ARHGAP26: variants seen among roughly 807,000 people sequenced by gnomAD.
ARHGAP26 encodes rho GTPase-activating protein 26.
A neutral mutation model predicts 104.8 loss-of-function variants in ARHGAP26; 38 were observed. That is an observed-to-expected ratio of 0.36 (90% confidence interval 0.28 to 0.48). The LOEUF (loss-of-function observed/expected upper bound fraction) is 0.48. Among genes scored for constraint, ARHGAP26 ranks in the 20% least tolerant of loss-of-function variants. The pLI, the probability that ARHGAP26 is intolerant of heterozygous loss-of-function variation, is 0.99. For synonymous variants in ARHGAP26, 341 were observed against 340.0 expected, an observed-to-expected ratio of 1.00 and a Z score of -0.03; for missense variants, 704 against 947.9, an observed-to-expected ratio of 0.74 and a Z score of 3.38.
At chr5:142,887,826 A>G (rs1173386406) in intron 5 of ARHGAP26, among the ~76,000 whole-genome samples, 3 of 152,094 alleles carry the variant, frequency 2.0e-5, no homozygotes, top group Non-Finnish European at 4.4e-5. Flanking sequence ...TTAGCTGGGC[A>G]TGGTGGTGGG....
At chr5:143,214,625 A>G (rs1810039425) in intron 22 of ARHGAP26, among the ~76,000 whole-genome samples, 1 of 152,218 alleles carries the variant, frequency 6.6e-6, no homozygotes. Context: ...AGGCCAGAGC[A>G]GAGATGAGTT....
At chr5:142,865,916 A>G (rs1033899171) in intron 1 of ARHGAP26, among the ~76,000 whole-genome samples, 1 of 152,090 alleles carries the variant, frequency 6.6e-6, no homozygotes, top group Non-Finnish European at 1.5e-5. Context: ...TCCTTGCTCC[A>G]TGTTTCCACT....
At chr5:142,949,228 GAGAGGAGAGAGAGAGAGAGAGAGA>G (rs1767882983) in intron 11 of ARHGAP26, among the ~76,000 whole-genome samples, 1 of 75,410 alleles carries the variant, frequency 1.3e-5, no homozygotes. Context: ...AGAGGAGAGA[GAGAGGAGAGAGAGAGAGAGAGAGA>G]GAGAGTTGAG....
intron 18 of ARHGAP26, among the ~76,000 whole-genome samples, chr5:143,123,664 C>A (rs1599119137): frequency 2.0e-5 from 3 of 152,038 alleles, no homozygotes; most frequent in African/African-American, 7.2e-5. Flanking sequence ...CCAGCCTGGG[C>A]AAAATAGCAA....
At chr5:143,045,009 G>A (rs2150174310) in intron 14 of ARHGAP26, among the ~76,000 whole-genome samples, 1 of 152,256 alleles carries the variant, frequency 6.6e-6, no homozygotes, top group Non-Finnish European at 1.5e-5. Flanking sequence ...TGACACTAAT[G>A]AAAAGAAATA....
At chr5:143,183,188 A>G (rs906272767) in intron 20 of ARHGAP26, among the ~76,000 whole-genome samples, 7 of 152,116 alleles carry the variant, frequency 4.6e-5, no homozygotes, top group Non-Finnish European at 1.0e-4. Flanking sequence ...GTATAAACAC[A>G]GTGCTTTGCC....
At chr5:142,984,062 A>G (rs1384024828) in intron 11 of ARHGAP26, among the ~76,000 whole-genome samples, 3 of 152,044 alleles carry the variant, frequency 2.0e-5, no homozygotes, top group Non-Finnish European at 2.9e-5. Context: ...GTGTCTTTTT[A>G]CTCCTCCTTA....
chr5:142,779,017 A>G (rs763884575), intron 1 of ARHGAP26, among the ~76,000 whole-genome samples: 1 of 151,590 alleles, frequency 6.6e-6, no homozygotes, highest in Non-Finnish European at 1.5e-5. Context: ...ATGTGTCCCT[A>G]TTAGCCCTGG....
In ARHGAP26 at chr5:143,037,165, C is replaced by G. The variant is rs774953154; in HGVS notation, c.1145-31C>G. 13 of 1,576,466 alleles carry G rather than the reference C, an allele frequency of 8.2e-6. No homozygotes were observed. The African/African-American group carries it at 1.6e-4, about 20-fold the overall frequency. On this transcript the variant is annotated intron_variant, in intron 12 of 22. Transcript: ENST00000645722. ...TCCTGAGGTTGATTTCCATGGCTAG[C>G]AACTTGACTGTCCTTCTCTTGCTCT...
At chr5:143,181,205 CA>C (rs1156275546) in intron 20 of ARHGAP26, among the ~76,000 whole-genome samples, 1 of 152,184 alleles carries the variant, frequency 6.6e-6, no homozygotes, top group Non-Finnish European at 1.5e-5. Context: ...CACTCTCCTG[CA>C]TAAGAGTCTT....
At chr5:142,809,399 T>A (rs1260577041) in intron 1 of ARHGAP26, among the ~76,000 whole-genome samples, 1 of 152,194 alleles carries the variant, frequency 6.6e-6, no homozygotes. Flanking sequence ...GATCAGCTGG[T>A]GCAATTCTGC....
At chr5:142,813,142 C>T (rs1025098628) in intron 1 of ARHGAP26, among the ~76,000 whole-genome samples, 5 of 152,030 alleles carry the variant, frequency 3.3e-5, no homozygotes, top group African/African-American at 4.8e-5. Flanking sequence ...GGGGTTTCAC[C>T]GTGTTAACCA....
chr5:142,922,224 T>A (rs1455698716), intron 10 of ARHGAP26: 8 of 152,226 alleles, frequency 5.3e-5, no homozygotes, highest in Non-Finnish European at 1.0e-4. Flanking sequence ...CTAAGAGGTG[T>A]GTGTGTATGC....
intron 17 of ARHGAP26, among the ~76,000 whole-genome samples, chr5:143,120,080 G>A (rs1471212915): frequency 2.6e-5 from 4 of 152,182 alleles, no homozygotes; most frequent in Non-Finnish European, 1.5e-5. Flanking sequence ...TGTAACAGGT[G>A]ATTTAGGGAA....
At chr5:143,058,602 C>A (rs996949937) in intron 17 of ARHGAP26, among the ~76,000 whole-genome samples, 1 of 152,202 alleles carries the variant, frequency 6.6e-6, no homozygotes, top group African/African-American at 2.4e-5. Flanking sequence ...ATTATTAAAC[C>A]CTACATTCTA....
intron 22 of ARHGAP26, chr5:143,216,138 G>A (rs1324633122): frequency 2.1e-6 from 1 of 471,338 alleles, no homozygotes; most frequent in Non-Finnish European, 4.4e-6. Context: ...GGGGAAAAAG[G>A]AAGAGAAGCC....
chr5:143,107,671 G>A (rs137924037), intron 17 of ARHGAP26, among the ~76,000 whole-genome samples: 100 of 152,340 alleles, frequency 6.6e-4, no homozygotes, highest in African/African-American at 2.4e-3. Flanking sequence ...CTTGCTGAGA[G>A]TGTGAATGTT....
chr5:143,077,080 T>C (rs200487022), intron 17 of ARHGAP26, among the ~76,000 whole-genome samples: 1 of 152,250 alleles, frequency 6.6e-6, no homozygotes, highest in African/African-American at 2.4e-5. Flanking sequence ...ATATGCCTGA[T>C]AGACTTTTCA....
At chr5:143,215,161 G>C (rs374875562) in intron 22 of ARHGAP26, among the ~76,000 whole-genome samples, 2 of 152,234 alleles carry the variant, frequency 1.3e-5, no homozygotes, top group African/African-American at 4.8e-5. Flanking sequence ...TGCGTTGCTT[G>C]GGCTTCTGCC....
Sources: allele counts gnomAD v4.1 joint callset (sites outside exome capture counted in the v4.1 genomes callset), GRCh38; gene constraint gnomAD v4.1.1; transcripts MANE v1.5; gene names NCBI Gene and HGNC (gene_info 2026-07-23, HGNC 2026-07-21).